Variants in MTFMT observed in about 807,000 individuals in gnomAD.
The protein encoded by MTFMT is methionyl-tRNA formyltransferase, mitochondrial.
In MTFMT, 47 loss-of-function variants were observed where a neutral mutation model predicts 51.8. The observed-to-expected ratio is 0.91, with a 90% CI of 0.72 to 1.16. The LOEUF (loss-of-function observed/expected upper bound fraction) is 1.16. Among genes scored for constraint, MTFMT ranks in the 50% most tolerant of loss-of-function variants. MTFMT has a pLI of 0.00. For synonymous variants in MTFMT, 196 were observed against 176.7 expected (o/e 1.11, Z -0.87); for missense variants, 512 against 482.3 (o/e 1.06, Z -0.58).
Position 65,016,163 on chromosome 15 carries a change from C to T in MTFMT, c.813+273G>A, listed in dbSNP as rs1040333360. The T allele has an allele frequency of 3.4e-4, 65 of 190,976 alleles. 1 individual carries two copies. Among genetic ancestry groups the T allele is most frequent in the African/African-American group, 1.5e-3 (63 of 42,754 alleles). The allele number at this position is 190,976 out of a possible 1,614,324, so 11.8% of individuals were successfully genotyped here. On this transcript the variant is annotated intron_variant, in intron 6 of 8. Transcript: ENST00000220058. ...AGTCATCTCATTTCTTTCCCCTCACCTATGAAGTAGGATAGTAAAACTTGG... is the reference window on the plus strand; with the variant it reads ...AGTCATCTCATTTCTTTCCCCTCACTTATGAAGTAGGATAGTAAAACTTGG...
chr15:65,022,297 CAA>C (rs2086380495), intron 3 of MTFMT, among the ~76,000 whole-genome samples: 1 of 151,812 alleles, frequency 6.6e-6, no homozygotes, highest in South Asian at 2.1e-4. Flanking sequence ...ACTAAAAATA[CAA>C]AAAATTAGCC....
At chr15:65,029,342 G>T in intron 1 of MTFMT, 63 bp downstream of exon 1, 10 of 1,347,480 alleles carry the variant, frequency 7.4e-6, no homozygotes, top group Non-Finnish European at 9.5e-6. Flanking sequence ...CCTCGGGGCC[G>T]GCCGCCCGGG....
intron 5 of MTFMT, 55 bp from the exon 6 acceptor site, chr15:65,016,582 G>C: frequency 1.7e-6 from 2 of 1,143,894 alleles, no homozygotes; most frequent in South Asian, 1.3e-5. Flanking sequence ...TCCATGAATT[G>C]ACAGCTATTG....
chr15:65,023,134 A>T (rs981046171), intron 3 of MTFMT, among the ~76,000 whole-genome samples: 1 of 152,230 alleles, frequency 6.6e-6, no homozygotes, highest in Non-Finnish European at 1.5e-5. Context: ...ATTAGGTGGT[A>T]ACAGGCAGAG....
chr15:65,018,947 G>A (rs2086347237), intron 5 of MTFMT, among the ~76,000 whole-genome samples: 1 of 152,136 alleles, frequency 6.6e-6, no homozygotes, highest in African/African-American at 2.4e-5. Flanking sequence ...TCCAATTAAT[G>A]AGGAAAAACT....
At chr15:65,010,304 T>C (rs1438263751) in intron 6 of MTFMT, among the ~76,000 whole-genome samples, 1 of 152,148 alleles carries the variant, frequency 6.6e-6, no homozygotes, top group South Asian at 2.1e-4. Flanking sequence ...ATTCAACCAA[T>C]GTCACTCGTT....
At chr15:65,005,382 G>A (rs1015773543) in intron 7 of MTFMT, among the ~76,000 whole-genome samples, 25 of 152,208 alleles carry the variant, frequency 1.6e-4, no homozygotes, top group African/African-American at 5.3e-4. Context: ...TCTGTCCACC[G>A]TATTGGCAGG....
In MTFMT at chr15:65,026,975, T is replaced by C; in HGVS notation, c.275A>G (p.Lys92Arg). ...AGCATATTGCTTCACTGGCAGTCCTTTTGGTGATGGGGAAGGCATTGTGAC... is the reference window on the plus strand; with the variant it reads ...AGCATATTGCTTCACTGGCAGTCCTCTTGGTGATGGGGAAGGCATTGTGAC... ...EVVTMPSPSP[K>R]GLPVKQYAVQ... Residue 92 changes from lysine (K) to arginine (R), a missense_variant, in exon 2 of 9, where the codon AAA becomes AGA. Transcript: ENST00000220058. 3 of 1,613,982 alleles carry C rather than the reference T, an allele frequency of 1.9e-6. No individual in the cohort carries two copies. Among genetic ancestry groups the C allele is most frequent in the Non-Finnish European group, 2.5e-6 (3 of 1,179,886 alleles).
At chr15:65,018,317 G>T (rs989333075) in intron 5 of MTFMT, among the ~76,000 whole-genome samples, 13 of 151,952 alleles carry the variant, frequency 8.6e-5, no homozygotes, top group Admixed American at 6.6e-5. Flanking sequence ...AAACTGTAAA[G>T]AAATCTTAAA....
intron 6 of MTFMT, among the ~76,000 whole-genome samples, chr15:65,007,947 C>T (rs1269165942): frequency 6.6e-6 from 1 of 152,058 alleles, no homozygotes; most frequent in Non-Finnish European, 1.5e-5. Flanking sequence ...AATTATATTT[C>T]TAAGTCTTTT....
intron 8 of MTFMT, among the ~76,000 whole-genome samples, chr15:65,003,845 C>CAAAAAAAAA (rs768884218): frequency 2.5e-5 from 1 of 40,646 alleles, no homozygotes; most frequent in Non-Finnish European, 4.5e-5. Flanking sequence ...AACTCCATCT[C>CAAAAAAAAA]AAAAAAAAAA....
chr15:65,027,003 C>A lies in MTFMT; in HGVS notation c.247G>T (p.Val83Leu). The change falls in exon 2 of 9, where the codon GTG becomes TTG. Residue 83 changes from valine to leucine, a missense_variant. Physicochemically the swap from Val to Leu is conservative, Grantham distance 32 (BLOSUM62 1). Coordinates refer to ENST00000220058, the MANE Select transcript of MTFMT (RefSeq NM_139242.4). ...GGTGATGGGGAAGGCATTGTGACCA[C>A]CTCCAGTTTGTCGATTAACTCTTCT... is the stretch of plus-strand genomic sequence containing the variant. ...KEEELIDKLE[V>L]VTMPSPSPKG... 1 of 1,613,940 alleles carries A rather than the reference C, an allele frequency of 6.2e-7. No homozygotes were observed. The highest frequency in any genetic ancestry group is 8.5e-7 in the Non-Finnish European group (1 of 1,179,852).
intron 3 of MTFMT, 102 bp downstream of exon 3, chr15:65,023,570 C>T (rs1431946528): frequency 3.5e-6 from 4 of 1,138,364 alleles, no homozygotes; most frequent in South Asian, 1.3e-5. Flanking sequence ...TCTGGAGTCA[C>T]AGAAATTAGT....
At position 65,029,550 on chromosome 15, in the gene MTFMT, G is replaced by A; in HGVS notation, c.64C>T (p.Pro22Ser). The change falls in exon 1 of 9, where the codon CCG becomes TCG. Residue 22 changes from proline (P) to serine (S), a missense_variant. Physicochemically the swap from Pro to Ser is moderately conservative, Grantham distance 74. Transcript: ENST00000220058. ...GCCAGTGCTCGCCACTGGGGACTCGGCCTCCCACGCCTGGCGCCATGAGCC... is the reference window on the plus strand; with the variant it reads ...GCCAGTGCTCGCCACTGGGGACTCGACCTCCCACGCCTGGCGCCATGAGCC... ...PLAHGARRGR[P>S]SPQWRALARL... is the part of the protein sequence containing the mutation. 4 of 1,507,102 alleles carry A rather than the reference G, an allele frequency of 2.7e-6. No individual in the cohort carries two copies. Among genetic ancestry groups the A allele is most frequent in the Non-Finnish European group, 3.5e-6 (4 of 1,128,340 alleles). 93.4% of individuals were successfully genotyped at this position (1,507,102 alleles called of 1,614,324 possible).
Position 65,023,780 on chromosome 15 carries a change from A to C in MTFMT, c.434T>G (p.Val145Gly), listed in dbSNP as rs1064793194. The stretch of plus-strand genomic sequence containing the variant: ...CCATCTCGGGAGGCAACTGGGATGA[A>C]CATTCAATATGCCACTGAGTTAGAA... ...ILKFPYGILN[V>G]HPSCLPRWRG... The change falls in exon 3 of 9, where the codon GTT becomes GGT. Residue 145 changes from valine to glycine, a missense_variant. By Grantham distance (109) the Val-to-Gly change is moderately radical. Coordinates refer to ENST00000220058, the MANE Select transcript of MTFMT (RefSeq NM_139242.4). 4 of 1,611,956 alleles carry C rather than the reference A, an allele frequency of 2.5e-6. No individual in the cohort carries two copies. Among genetic ancestry groups the C allele is most frequent in the Non-Finnish European group, 3.4e-6 (4 of 1,178,946 alleles).
In MTFMT at chr15:65,012,179, G is replaced by A. The variant is rs1290727079; in HGVS notation, c.813+4257C>T. 2.1e-5 allele frequency among the ~76,000 whole-genome samples: 3 copies of A among 144,582 alleles called. No individual in the cohort carries two copies. In the East Asian group the frequency reaches 6.0e-4, roughly 29 times the overall value. 94.9% of individuals were successfully genotyped at this position (144,582 alleles called of 152,430 possible). A position where few individuals can be genotyped will look rare whatever the true frequency, so the allele number is the denominator to read the frequency against. On this transcript the variant is annotated intron_variant, in intron 6 of 8. Transcript: ENST00000220058. ...AAAAAAGGTGGGTGGGAGGGGAGAGGGATAGCATTAGGAGATATACCTCAT... is the reference window on the plus strand; with the variant it reads ...AAAAAAGGTGGGTGGGAGGGGAGAGAGATAGCATTAGGAGATATACCTCAT...
At chr15:65,014,957 A>G (rs1159075652) in intron 6 of MTFMT, among the ~76,000 whole-genome samples, 4 of 115,680 alleles carry the variant, frequency 3.5e-5, no homozygotes, top group African/African-American at 1.5e-4. Flanking sequence ...TTTTTTGCTT[A>G]CTTGTTGTCT....
At chr15:65,020,077 C>T in intron 5 of MTFMT, 120 bp downstream of exon 5, 4 of 859,236 alleles carry the variant, frequency 4.7e-6, no homozygotes, top group Non-Finnish European at 7.1e-6. Context: ...GAAAAGCACA[C>T]AAAAGTGGGC....
rs753929457 is a variant in MTFMT at position 65,020,198 on chromosome 15, G to A, written c.720C>T (p.Tyr240=). 3.7e-6 allele frequency: 6 copies of A among 1,611,600 alleles called. No individual in the cohort carries two copies. Among genetic ancestry groups the A allele is most frequent in the African/African-American group, 2.7e-5 (2 of 74,598 alleles). The change falls in exon 5 of 9, where the codon TAC becomes TAT. Residue 240 remains tyrosine (Y), a splice_region_variant and synonymous_variant. Transcript: ENST00000220058. The part of the protein sequence containing the change: ...GRQQPMEGAT[Y]APKISAGTSC... Reference sequence around the variant, plus strand: ...AGAGTCTCTGCAGCCTTCACTCACCGTAAGTCGCCCCCTCCATTGGCTGCT... The same window carrying A: ...AGAGTCTCTGCAGCCTTCACTCACCATAAGTCGCCCCCTCCATTGGCTGCT...
Sources: gnomAD v4.1 joint callset for allele counts (sites outside exome capture counted in the v4.1 genomes callset) on GRCh38, gnomAD v4.1.1 for gene constraint, MANE v1.5 for transcripts, NCBI Gene and HGNC (gene_info 2026-07-23, HGNC 2026-07-21) for gene names.